Variants in SRPK2 observed in about 807,000 individuals in gnomAD.
SRPK2 encodes the protein SRSF protein kinase 2.
In SRPK2, 21 loss-of-function variants were observed where a neutral mutation model predicts 90.8. That is an observed-to-expected ratio of 0.23 (90% confidence interval 0.16 to 0.33). SRPK2 has a LOEUF of 0.33. SRPK2 is among the 10% of genes least tolerant of loss of function. SRPK2 has a pLI of 1.00. For synonymous variants in SRPK2, 288 were observed against 311.1 expected, an observed-to-expected ratio of 0.93 and a Z score of 0.78; for missense variants, 620 against 869.0, an observed-to-expected ratio of 0.71 and a Z score of 3.60.
intron 2 of SRPK2, among the ~76,000 whole-genome samples, chr7:105,232,858 C>T (rs1799622936): frequency 6.6e-6 from 1 of 151,892 alleles, no homozygotes; most frequent in Non-Finnish European, 1.5e-5. Flanking sequence ...ACTAAAAATA[C>T]AAAAATTAGG....
chr7:105,296,555 AAC>A (rs1563206886), intron 2 of SRPK2, among the ~76,000 whole-genome samples: 10 of 152,352 alleles, frequency 6.6e-5, no homozygotes, highest in Non-Finnish European at 1.5e-4. Context: ...AATAAAGTAT[AAC>A]TTAGAGGAAT....
intron 2 of SRPK2, among the ~76,000 whole-genome samples, chr7:105,291,126 A>G (rs977744570): frequency 2.0e-5 from 3 of 151,922 alleles, no homozygotes; most frequent in Admixed American, 6.6e-5. Context: ...CAGAGAACCT[A>G]TCATGTGCAC....
intron 2 of SRPK2, among the ~76,000 whole-genome samples, chr7:105,220,368 A>G (rs1458731105): frequency 6.6e-6 from 1 of 152,114 alleles, no homozygotes; most frequent in South Asian, 2.1e-4. Flanking sequence ...CTCTACTAAA[A>G]ATACAAAAAT....
rs1379391618 is a variant in SRPK2, at chr7:105,116,585, G to C, written c.*1253C>G. On this transcript the variant is annotated 3_prime_UTR_variant, in exon 16 of 16. Coordinates refer to ENST00000393651, the MANE Select transcript of SRPK2 (RefSeq NM_182692.3). Reference sequence around the variant, plus strand: ...ACATTCAATCCACTGACTTCTAAAAGAGGCTAAATATACCTCTATATATTA... The same window carrying C: ...ACATTCAATCCACTGACTTCTAAAACAGGCTAAATATACCTCTATATATTA... 3 of 152,560 alleles carry C rather than the reference G, an allele frequency of 2.0e-5. No homozygotes were observed. Among genetic ancestry groups the C allele is most frequent in the African/African-American group, 7.2e-5 (3 of 41,442 alleles). 9.5% of individuals were successfully genotyped at this position (152,560 alleles called of 1,614,324 possible).
intron 2 of SRPK2, among the ~76,000 whole-genome samples, chr7:105,215,012 T>C (rs1401938661): frequency 1.3e-5 from 2 of 152,228 alleles, no homozygotes; most frequent in East Asian, 1.9e-4. Context: ...TGGAACAGAA[T>C]TGAGGGTCCA....
intron 2 of SRPK2, among the ~76,000 whole-genome samples, chr7:105,349,700 G>A (rs889661908): frequency 2.0e-5 from 3 of 152,124 alleles, no homozygotes; most frequent in Non-Finnish European, 4.4e-5. Flanking sequence ...GACACAGCAG[G>A]AAGAAAAGAG....
chr7:105,175,809 C>A (rs1369672697), intron 3 of SRPK2, among the ~76,000 whole-genome samples: 1 of 150,668 alleles, frequency 6.6e-6, no homozygotes, highest in Non-Finnish European at 1.5e-5. Context: ...ACTCAAGGTC[C>A]AAACAGAAAA....
intron 2 of SRPK2, among the ~76,000 whole-genome samples, chr7:105,315,053 G>T (rs1812163707): frequency 1.3e-5 from 2 of 152,184 alleles, no homozygotes; most frequent in Non-Finnish European, 2.9e-5. Context: ...GAGGCAGGAA[G>T]ATCACTTGAG....
intron 2 of SRPK2, among the ~76,000 whole-genome samples, chr7:105,263,940 A>G (rs1354980115): frequency 6.6e-6 from 1 of 152,246 alleles, no homozygotes; most frequent in Non-Finnish European, 1.5e-5. Context: ...GTACACCTCT[A>G]CAAGGAGAGA....
At chr7:105,126,453 A>ACAGTGTCTG in intron 14 of SRPK2, 113 bp from the exon 15 acceptor site, 1 of 783,456 alleles carries the variant, frequency 1.3e-6, no homozygotes, top group Non-Finnish European at 2.1e-6. Context: ...ATTCAAATCA[A>ACAGTGTCTG]CAGTGTCTGC....
At position 105,333,476 on chromosome 7, in the gene SRPK2, G is replaced by A. The variant is rs971765132; in HGVS notation, c.71+55172C>T. ...TCAGGATTATGTTCAACTGTATACA[G>A]TATTTTTAATTCAAACAATACATTA... On this transcript the variant is annotated intron_variant, in intron 2 of 15. Transcript: ENST00000393651. Among the ~76,000 whole-genome samples, 149 of 152,248 alleles carry A rather than the reference G, an allele frequency of 9.8e-4. 1 individual carries two copies. Among genetic ancestry groups the A allele is most frequent in the African/African-American group, 3.4e-3 (140 of 41,566 alleles).
intron 3 of SRPK2, among the ~76,000 whole-genome samples, chr7:105,198,638 G>T (rs917280026): frequency 1.3e-5 from 2 of 152,114 alleles, no homozygotes; most frequent in Non-Finnish European, 2.9e-5. Context: ...ACAGCATGAA[G>T]TACAGATGAG....
At chr7:105,271,473 AT>A (rs1805821300) in intron 2 of SRPK2, among the ~76,000 whole-genome samples, 1 of 152,226 alleles carries the variant, frequency 6.6e-6, no homozygotes, top group African/African-American at 2.4e-5. Flanking sequence ...ATGATACTGT[AT>A]CCTTTGAGGC....
intron 14 of SRPK2, among the ~76,000 whole-genome samples, 165 bp downstream of exon 14, chr7:105,126,828 T>C (rs1164756855): frequency 6.6e-6 from 1 of 152,186 alleles, no homozygotes; most frequent in East Asian, 1.9e-4. Context: ...GCTCTGCCCA[T>C]TCACTGAGAC....
chr7:105,295,119 C>G (rs963051982), intron 2 of SRPK2, among the ~76,000 whole-genome samples: 16 of 151,100 alleles, frequency 1.1e-4, no homozygotes, highest in African/African-American at 3.9e-4. Flanking sequence ...GGCTGAGGCA[C>G]GAGAATCGCT....
At chr7:105,236,247 G>A (rs1800124919) in intron 2 of SRPK2, among the ~76,000 whole-genome samples, 1 of 152,184 alleles carries the variant, frequency 6.6e-6, no homozygotes, top group African/African-American at 2.4e-5. Flanking sequence ...TTAGGACAGG[G>A]AAATGACATT....
intron 15 of SRPK2, chr7:105,125,700 T>G: frequency 2.0e-6 from 1 of 511,932 alleles, no homozygotes; most frequent in Non-Finnish European, 3.0e-6. Flanking sequence ...CAGATCTTTC[T>G]CCACTGCCCA....
At chr7:105,324,811 A>T (rs1813378244) in intron 2 of SRPK2, among the ~76,000 whole-genome samples, 7 of 152,142 alleles carry the variant, frequency 4.6e-5, no homozygotes, top group African/African-American at 1.4e-4. Context: ...TGCTTGAGCC[A>T]CGGAGGCGGA....
intron 14 of SRPK2, 45 bp from the exon 15 acceptor site, chr7:105,126,385 G>A (rs1801209433): frequency 7.4e-7 from 1 of 1,359,754 alleles, no homozygotes; most frequent in Non-Finnish European, 1.0e-6. Context: ...GAGGGGCAAA[G>A]GGAAGGATGG....
Sources: allele counts gnomAD v4.1 joint callset (sites outside exome capture counted in the v4.1 genomes callset), GRCh38; gene constraint gnomAD v4.1.1; transcripts MANE v1.5; gene names NCBI Gene and HGNC (gene_info 2026-07-23, HGNC 2026-07-21).